The following CHRM3 variants were observed in gnomAD, a reference collection of about 807,000 sequenced individuals.
CHRM3 encodes muscarinic acetylcholine receptor M3.
In CHRM3, 11 loss-of-function variants were observed where a neutral mutation model predicts 41.8. The observed-to-expected ratio is 0.26, with a 90% confidence interval of 0.17 to 0.44. The LOEUF (loss-of-function observed/expected upper bound fraction) is 0.44. Among genes scored for constraint, CHRM3 ranks in the 20% least tolerant of loss-of-function variants. The pLI is 1.00. For synonymous variants in CHRM3, 297 were observed against 301.4 expected, an observed-to-expected ratio of 0.99 and a Z score of 0.15; for missense variants, 571 against 745.4, an observed-to-expected ratio of 0.77 and a Z score of 2.72.
intron 2 of CHRM3, among the ~76,000 whole-genome samples, chr1:239,541,884 T>C (rs1312429105): frequency 2.0e-5 from 3 of 152,180 alleles, no homozygotes; most frequent in African/African-American, 7.2e-5. Context: ...CATTCTTCAT[T>C]TCTTTCTCTC....
intron 2 of CHRM3, among the ~76,000 whole-genome samples, chr1:239,505,959 C>T (rs894441155): frequency 2.0e-5 from 3 of 152,108 alleles, no homozygotes; most frequent in African/African-American, 7.2e-5. Flanking sequence ...CATTTTTCCC[C>T]ATCCTAGAGA....
intron 5 of CHRM3, among the ~76,000 whole-genome samples, chr1:239,702,774 C>T (rs895391140): frequency 2.0e-5 from 3 of 152,184 alleles, no homozygotes; most frequent in Non-Finnish European, 4.4e-5. Flanking sequence ...CCAGGTAATA[C>T]GATTTTAAGA....
At chr1:239,531,945 C>T (rs34987466) in intron 2 of CHRM3, among the ~76,000 whole-genome samples, 2 of 149,516 alleles carry the variant, frequency 1.3e-5, no homozygotes, top group East Asian at 2.0e-4. Flanking sequence ...AGGCTCGAGC[C>T]GCCGTGCCTG....
rs1680313253 is a variant in CHRM3 at position 239,910,676 on chromosome 1, TGTC to T, written c.*1455_*1457del. On this transcript the variant is annotated 3_prime_UTR_variant, in exon 7 of 7. Transcript: ENST00000676153. ...GGAGGGGATGGGGTGCTGCCATCAT[TGTC>T]GTTGTTGTTGCTGCTGTAGCTGTTG... 1 of 165,962 alleles carries T rather than the reference TGTC, an allele frequency of 6.0e-6. No individual in the cohort carries two copies. The highest frequency in any genetic ancestry group is 2.4e-5 in the African/African-American group (1 of 41,180). The allele number at this position is 165,962 out of a possible 1,614,324, so 10.3% of individuals were successfully genotyped here. A position where few individuals can be genotyped will look rare whatever the true frequency, so the allele number is the denominator to read the frequency against.
chr1:239,512,463 C>T (rs1306766904), intron 2 of CHRM3, among the ~76,000 whole-genome samples: 1 of 152,034 alleles, frequency 6.6e-6, no homozygotes, highest in African/African-American at 2.4e-5. Flanking sequence ...TTTCTCTGAC[C>T]CCCATCTCCT....
chr1:239,889,260 C>A (rs1678337767), intron 6 of CHRM3, among the ~76,000 whole-genome samples: 1 of 152,092 alleles, frequency 6.6e-6, no homozygotes, highest in African/African-American at 2.4e-5. Flanking sequence ...TTGCTTAGGG[C>A]ACGAAAAACT....
chr1:239,746,565 A>AAAT (rs1481198226), intron 5 of CHRM3, among the ~76,000 whole-genome samples: 2 of 152,188 alleles, frequency 1.3e-5, no homozygotes, highest in Non-Finnish European at 2.9e-5. Flanking sequence ...AGAAAGTTTA[A>AAAT]AATACTATTA....
At chr1:239,541,289 T>C (rs1448528494) in intron 2 of CHRM3, among the ~76,000 whole-genome samples, 2 of 152,130 alleles carry the variant, frequency 1.3e-5, no homozygotes, top group Non-Finnish European at 2.9e-5. Context: ...TGAACACATA[T>C]AAGTAATAGC....
chr1:239,610,779 C>T (rs185013751), intron 3 of CHRM3, among the ~76,000 whole-genome samples: 306 of 152,262 alleles, frequency 2.0e-3, no homozygotes, highest in African/African-American at 7.1e-3. Context: ...CTAGGCCAGG[C>T]GCTGTGGCTC....
intron 3 of CHRM3, among the ~76,000 whole-genome samples, chr1:239,572,958 C>G (rs992872333): frequency 3.9e-5 from 6 of 152,144 alleles, no homozygotes; most frequent in Admixed American, 3.3e-4. Context: ...TCTGTTTCTT[C>G]TCTAAATGTT....
intron 1 of CHRM3, among the ~76,000 whole-genome samples, chr1:239,474,711 G>A (rs1455051080): frequency 1.3e-5 from 2 of 152,076 alleles, no homozygotes; most frequent in South Asian, 2.1e-4. Context: ...GTAGTGAAAC[G>A]AAACAATGCC....
intron 6 of CHRM3, among the ~76,000 whole-genome samples, chr1:239,848,172 A>G (rs1360305225): frequency 6.6e-6 from 1 of 152,170 alleles, no homozygotes; most frequent in Non-Finnish European, 1.5e-5. Flanking sequence ...GAGAATTTTC[A>G]TACCATTCAA....
At chr1:239,674,725 A>G (rs1366974508) in intron 4 of CHRM3, among the ~76,000 whole-genome samples, 3 of 151,264 alleles carry the variant, frequency 2.0e-5, no homozygotes, top group Non-Finnish European at 4.4e-5. Context: ...AAAAAAAAAA[A>G]AAGAAAGAAA....
chr1:239,736,026 A>G (rs1053281933), intron 5 of CHRM3, among the ~76,000 whole-genome samples: 1 of 152,130 alleles, frequency 6.6e-6, no homozygotes, highest in Non-Finnish European at 1.5e-5. Flanking sequence ...TTTAAGTCTG[A>G]AGGGTAAGGA....
chr1:239,881,735 A>G (rs1159995124), intron 6 of CHRM3, among the ~76,000 whole-genome samples: 1 of 152,186 alleles, frequency 6.6e-6, no homozygotes, highest in African/African-American at 2.4e-5. Flanking sequence ...AAACCTTGTC[A>G]GCAAAGCCCC....
chr1:239,759,169 GTT>G lies in CHRM3; in HGVS notation c.-146-68072_-146-68071del, dbSNP rs568446013. Among the ~76,000 whole-genome samples the G allele has an allele frequency of 4.2e-3, 425 of 102,086 alleles. 4 individuals carry two copies. The highest frequency in any genetic ancestry group is 0.016 in the African/African-American group (406 of 24,964). 67.0% of individuals were successfully genotyped at this position (102,086 alleles called of 152,430 possible). ...CTGAGCTTTATGGGTTTTTTTTTTTGTTTTTTTTTTTTGTTTTTTTTTTTTTT... is the reference window on the plus strand; with the variant it reads ...CTGAGCTTTATGGGTTTTTTTTTTTGTTTTTTTTTTGTTTTTTTTTTTTTT... On this transcript the variant is annotated intron_variant, in intron 5 of 6. Coordinates refer to ENST00000676153, the MANE Select transcript of CHRM3 (RefSeq NM_001375978.1).
At chr1:239,682,665 T>A (rs1287820462) in intron 5 of CHRM3, among the ~76,000 whole-genome samples, 2 of 152,106 alleles carry the variant, frequency 1.3e-5, no homozygotes, top group East Asian at 1.9e-4. Context: ...AAAATATAAA[T>A]ATGCCCTCTG....
At chr1:239,495,519 T>A (rs2148093981) in intron 2 of CHRM3, among the ~76,000 whole-genome samples, 1 of 152,320 alleles carries the variant, frequency 6.6e-6, no homozygotes, top group East Asian at 1.9e-4. Context: ...AGACCTATAC[T>A]GCAGTGGGAT....
At chr1:239,774,613 C>T (rs975110768) in intron 5 of CHRM3, among the ~76,000 whole-genome samples, 1 of 152,174 alleles carries the variant, frequency 6.6e-6, no homozygotes, top group African/African-American at 2.4e-5. Flanking sequence ...AATAATGAGT[C>T]TGAGAGATTG....
Sources: gnomAD v4.1 joint callset for allele counts (sites outside exome capture counted in the v4.1 genomes callset) on GRCh38, gnomAD v4.1.1 for gene constraint, MANE v1.5 for transcripts, NCBI Gene and HGNC (gene_info 2026-07-23, HGNC 2026-07-21) for gene names.